Variants in KDM2B observed in about 807,000 individuals in gnomAD.
KDM2B encodes the protein lysine demethylase 2B.
KDM2B carries 26 observed loss-of-function variants against 150.0 expected under a neutral mutation model. That is an observed-to-expected ratio of 0.17 (90% CI 0.13 to 0.24). The LOEUF (loss-of-function observed/expected upper bound fraction) is 0.24. Ranked by LOEUF, KDM2B falls within the 10% of genes least tolerant of loss-of-function variation. The pLI is 1.00. For synonymous variants in KDM2B, 734 were observed against 729.5 expected (o/e 1.01, Z -0.10); for missense variants, 1,265 against 1,816.9 (o/e 0.70, Z 5.52).
At chr12:121,502,041 G>A (rs1213275978) in intron 11 of KDM2B, among the ~76,000 whole-genome samples, 5 of 152,060 alleles carry the variant, frequency 3.3e-5, no homozygotes, top group Admixed American at 6.6e-5. Flanking sequence ...TTCCAGGGTC[G>A]GGAACTGACG....
chr12:121,550,479 A>G (rs28379971), intron 4 of KDM2B, among the ~76,000 whole-genome samples: 91,635 of 152,032 alleles, frequency 0.6, 28,978 homozygotes, highest in African/African-American at 0.8. Context: ...ACGGCCTATC[A>G]TTGTGTGACC....
intron 14 of KDM2B, 45 bp from the exon 15 acceptor site, chr12:121,444,581 T>G: frequency 6.5e-7 from 1 of 1,535,328 alleles, no homozygotes; most frequent in Non-Finnish European, 9.0e-7. Flanking sequence ...GCGGAGAAGA[T>G]GGCCCACGGG....
chr12:121,464,953 C>T (rs560645645), intron 12 of KDM2B, among the ~76,000 whole-genome samples: 265 of 152,308 alleles, frequency 1.7e-3, no homozygotes, highest in Middle Eastern at 6.8e-3. Flanking sequence ...GGAAAGCATG[C>T]AGGGAGGCAA....
chr12:121,561,069 G>A (rs782033142), intron 4 of KDM2B, among the ~76,000 whole-genome samples: 4 of 151,240 alleles, frequency 2.6e-5, no homozygotes, highest in Non-Finnish European at 4.4e-5. Flanking sequence ...CAGGATCATC[G>A]GTGTTCTGGC....
intron 22 of KDM2B, among the ~76,000 whole-genome samples, chr12:121,437,806 A>T (rs147636971): frequency 6.6e-6 from 1 of 152,260 alleles, no homozygotes; most frequent in Non-Finnish European, 1.5e-5. Context: ...TGTGGCACAG[A>T]CTTATTTCCC....
rs148606627 is a variant in KDM2B, at chr12:121,574,132, C to T, written c.397+415G>A. ...TGTGCATTTGCTGAGCTCGCAGTTCCAAGCCCTGCCCCAGGCTTGTCTAGA... is the reference window on the plus strand; with the variant it reads ...TGTGCATTTGCTGAGCTCGCAGTTCTAAGCCCTGCCCCAGGCTTGTCTAGA... On this transcript the variant is annotated intron_variant, in intron 4 of 22. Transcript: ENST00000377071. Among the ~76,000 whole-genome samples the T allele has an allele frequency of 7.3e-3, 1,115 of 152,274 alleles. 19 individuals carry two copies. The highest frequency in any genetic ancestry group is 0.026 in the African/African-American group (1,060 of 41,554).
intron 8 of KDM2B, among the ~76,000 whole-genome samples, chr12:121,526,805 G>A (rs1282018339): frequency 6.6e-6 from 1 of 152,098 alleles, no homozygotes; most frequent in African/African-American, 2.4e-5. Flanking sequence ...GCCGAGGCGG[G>A]CCGATCACCT....
intron 11 of KDM2B, among the ~76,000 whole-genome samples, chr12:121,501,496 G>A (rs1259540954): frequency 1.3e-5 from 2 of 152,194 alleles, no homozygotes; most frequent in Non-Finnish European, 2.9e-5. Flanking sequence ...AGAAACCAGA[G>A]GAGGCCCGGA....
chr12:121,465,150 C>A (rs1422910364), intron 12 of KDM2B, among the ~76,000 whole-genome samples: 1 of 152,182 alleles, frequency 6.6e-6, no homozygotes, highest in Non-Finnish European at 1.5e-5. Flanking sequence ...TCCACAAGTG[C>A]CACAATCGGC....
At chr12:121,564,837 TTA>T (rs1555314549) in intron 4 of KDM2B, among the ~76,000 whole-genome samples, 2 of 152,036 alleles carry the variant, frequency 1.3e-5, no homozygotes, top group African/African-American at 4.8e-5. Context: ...TTTCTTTTTC[TTA>T]TTTTTTTGAG....
Position 121,521,057 on chromosome 12 carries a change from G to T in KDM2B, c.975C>A (p.Phe325Leu). The change falls in exon 9 of 23, where the codon TTC (phenylalanine) becomes TTA (leucine). Residue 325 changes from phenylalanine to leucine, a missense_variant. Phe to Leu is a conservative substitution (Grantham distance 22). This residue lies in a region of KDM2B where 214 missense variants were observed against 447.4 expected (regional missense o/e 0.48). Coordinates refer to ENST00000377071, the MANE Select transcript of KDM2B (RefSeq NM_032590.5). This position sits in a 1 kb window ranked among gnomAD's most constrained non-coding sequence, Gnocchi z 4.9. ...AVYTPVDSLV[F>L]GGNILHSFNV... The stretch of plus-strand genomic sequence containing the variant: ...TAAAGCTGTGCAGGATGTTTCCGCC[G>T]AACACCAAAGAGTCTACAGGGGTGT... 6.2e-7 allele frequency: 1 copy of T among 1,613,944 alleles called. No individual in the cohort carries two copies. Among genetic ancestry groups the T allele is most frequent in the South Asian group, 1.1e-5 (1 of 91,074 alleles).
At chr12:121,577,650 G>C (rs1891592087) in intron 2 of KDM2B, among the ~76,000 whole-genome samples, 1 of 152,230 alleles carries the variant, frequency 6.6e-6, no homozygotes, top group Non-Finnish European at 1.5e-5. Flanking sequence ...AGGCACTCCA[G>C]GTTATCAGCT....
At chr12:121,574,452 G>A in intron 4 of KDM2B, 95 bp downstream of exon 4, 2 of 1,172,630 alleles carry the variant, frequency 1.7e-6, no homozygotes, top group East Asian at 2.4e-5. Flanking sequence ...TTTGTTTTGA[G>A]AGGCAGTTAA....
chr12:121,430,127 C>G lies in KDM2B; in HGVS notation c.*161G>C. 1 of 1,614,020 alleles carries G rather than the reference C, an allele frequency of 6.2e-7. No individual in the cohort carries two copies. On this transcript the variant is annotated 3_prime_UTR_variant, in exon 23 of 23. Transcript: ENST00000377071. The surrounding 1 kb of genome is among the most constrained non-coding windows in gnomAD (Gnocchi z 4.4). The stretch of plus-strand genomic sequence containing the variant: ...AGGAAAGTGTCGGCTCACTCATCCC[C>G]CAAACGGGTGGTTGAACAGCTTCTC...
chr12:121,464,435 C>T (rs901937632), intron 12 of KDM2B, among the ~76,000 whole-genome samples: 2 of 152,214 alleles, frequency 1.3e-5, no homozygotes, highest in African/African-American at 2.4e-5. Context: ...GCTCGCTCAC[C>T]GCGGGCCCAT....
At chr12:121,444,754 T>C in intron 14 of KDM2B, 2 of 587,238 alleles carry the variant, frequency 3.4e-6, no homozygotes, top group East Asian at 5.7e-5. Flanking sequence ...CCTTTGCTTC[T>C]CTGGGACCCT....
chr12:121,556,091 T>C (rs1381576752), intron 4 of KDM2B, among the ~76,000 whole-genome samples: 1 of 152,040 alleles, frequency 6.6e-6, no homozygotes, highest in African/African-American at 2.4e-5. Flanking sequence ...CACGCCTGGC[T>C]AATTTTTTGT....
At chr12:121,558,897 T>C (rs575656558) in intron 4 of KDM2B, among the ~76,000 whole-genome samples, 1 of 152,168 alleles carries the variant, frequency 6.6e-6, no homozygotes, top group Admixed American at 6.6e-5. Flanking sequence ...AGCCTCCTTT[T>C]CTGAGGAATA....
chr12:121,579,114 A>G (rs929604028), intron 1 of KDM2B, 168 bp from the exon 2 acceptor site: 3 of 727,280 alleles, frequency 4.1e-6, no homozygotes, highest in Non-Finnish European at 6.6e-6. Context: ...AAGCAGGACA[A>G]GGAGAGGGGC....
Sources: gnomAD v4.1 joint callset for allele counts (sites outside exome capture counted in the v4.1 genomes callset) on GRCh38, gnomAD v4.1.1 for gene constraint, gnomAD v4.1.1 regional missense constraint, Gnocchi (gnomAD v3.1) non-coding constraint, MANE v1.5 for transcripts, NCBI Gene and HGNC (gene_info 2026-07-23, HGNC 2026-07-21) for gene names.